The following CACNA1E variants were observed in gnomAD, a reference collection of about 807,000 sequenced individuals.
CACNA1E encodes the protein voltage-dependent R-type calcium channel subunit alpha-1E.
In CACNA1E, 40 loss-of-function variants were observed where a neutral mutation model predicts 259.2. That is an observed-to-expected ratio of 0.15 (90% CI 0.12 to 0.20). CACNA1E has a LOEUF of 0.20. CACNA1E is among the 10% of genes least tolerant of loss of function. The probability of loss-of-function intolerance (pLI) is 1.00; values close to 1 mark genes in which losing one functional copy is unlikely to be tolerated. For synonymous variants in CACNA1E, 1,104 were observed against 1,138.5 expected (o/e 0.97, Z 0.61); for missense variants, 1,874 against 3,040.1 (o/e 0.62, Z 9.02).
intron 12 of CACNA1E, 111 bp from the exon 13 acceptor site, chr1:181,719,640 T>G (rs1572695252): frequency 3.7e-6 from 2 of 535,824 alleles, no homozygotes; most frequent in Non-Finnish European, 3.3e-6. Context: ...GAGAGGAGAG[T>G]TTTTATTTCC....
intron 7 of CACNA1E, among the ~76,000 whole-genome samples, chr1:181,655,150 AT>A (rs1025711389): frequency 1.2e-4 from 18 of 152,242 alleles, no homozygotes; most frequent in East Asian, 3.9e-4. Flanking sequence ...ATGTATTATA[AT>A]TTTTTTAAAT....
At chr1:181,683,759 G>A (rs1417752304) in intron 7 of CACNA1E, among the ~76,000 whole-genome samples, 1 of 152,188 alleles carries the variant, frequency 6.6e-6, no homozygotes, top group Non-Finnish European at 1.5e-5. Flanking sequence ...TGCTGCAAAG[G>A]ACATGATTTC....
intron 1 of CACNA1E, among the ~76,000 whole-genome samples, chr1:181,330,918 T>C (rs1651209541): frequency 6.6e-6 from 1 of 152,186 alleles, no homozygotes; most frequent in Non-Finnish European, 1.5e-5. Context: ...TAGCTAGAGA[T>C]GATCTGGGCT....
At chr1:181,359,213 G>A (rs1370813632) in intron 1 of CACNA1E, among the ~76,000 whole-genome samples, 1 of 152,194 alleles carries the variant, frequency 6.6e-6, no homozygotes, top group African/African-American at 2.4e-5. Context: ...TTTAGCTGGG[G>A]GAGGGGCATG....
At chr1:181,391,291 T>C (rs1166390221) in intron 1 of CACNA1E, among the ~76,000 whole-genome samples, 1 of 152,228 alleles carries the variant, frequency 6.6e-6, no homozygotes, top group African/African-American at 2.4e-5. Context: ...GCCACTCCCC[T>C]GCTTAAAAAC....
chr1:181,704,525 C>T (rs1652602690), intron 7 of CACNA1E, among the ~76,000 whole-genome samples: 1 of 152,136 alleles, frequency 6.6e-6, no homozygotes. Flanking sequence ...GGTAGCAAAG[C>T]TCTCTGAAAC....
chr1:181,782,377 A>G (rs1660499539), intron 39 of CACNA1E, among the ~76,000 whole-genome samples: 1 of 152,220 alleles, frequency 6.6e-6, no homozygotes. Context: ...TTTGCCACCC[A>G]TTAGTAATAG....
chr1:181,762,147 A>G (rs542999198), intron 32 of CACNA1E, among the ~76,000 whole-genome samples: 1 of 152,360 alleles, frequency 6.6e-6, no homozygotes, highest in East Asian at 1.9e-4. Flanking sequence ...TAGCTGTATG[A>G]CCATGGCAAT....
intron 7 of CACNA1E, among the ~76,000 whole-genome samples, chr1:181,657,022 A>G (rs1266921023): frequency 6.6e-6 from 1 of 152,218 alleles, no homozygotes; most frequent in African/African-American, 2.4e-5. Flanking sequence ...CTCAGAATGT[A>G]CCCCTTTTGT....
intron 1 of CACNA1E, among the ~76,000 whole-genome samples, chr1:181,496,944 G>T (rs1664805888): frequency 6.6e-6 from 1 of 152,170 alleles, no homozygotes; most frequent in Admixed American, 6.5e-5. Context: ...CAGTTGAAGG[G>T]TGTGGGCTTG....
chr1:181,703,628 C>T lies in CACNA1E; in HGVS notation c.1056-7326C>T, dbSNP rs540861019. 3.9e-5 allele frequency among the ~76,000 whole-genome samples: 6 copies of T among 152,322 alleles called. No homozygotes were observed. The East Asian group carries it at 1.2e-3, about 29-fold the overall frequency. ...GAGAAGAGAAAGAAAAAAGACCAGT[C>T]ATTCCCTGAGCTCCTAAAAGAATAA... On this transcript the variant is annotated intron_variant, in intron 7 of 47. Coordinates refer to ENST00000367573, the MANE Select transcript of CACNA1E (RefSeq NM_001205293.3).
At chr1:181,663,741 A>G (rs1478472597) in intron 7 of CACNA1E, among the ~76,000 whole-genome samples, 1 of 152,234 alleles carries the variant, frequency 6.6e-6, no homozygotes, top group East Asian at 1.9e-4. Flanking sequence ...TACAAGCATT[A>G]CAGACAAGTA....
intron 46 of CACNA1E, among the ~76,000 whole-genome samples, chr1:181,796,206 G>A (rs950141000): frequency 1.3e-5 from 2 of 152,094 alleles, no homozygotes; most frequent in Non-Finnish European, 2.9e-5. Flanking sequence ...TTCCCTTTCA[G>A]ATCATCTTTT....
intron 1 of CACNA1E, among the ~76,000 whole-genome samples, chr1:181,323,035 G>A (rs1650489365): frequency 1.3e-5 from 2 of 152,202 alleles, no homozygotes; most frequent in Admixed American, 6.5e-5. Flanking sequence ...TGCACCGATG[G>A]CCACACCTCT....
intron 7 of CACNA1E, among the ~76,000 whole-genome samples, chr1:181,679,032 T>C (rs76417261): frequency 0.13 from 20,136 of 152,170 alleles, 1,381 homozygotes; most frequent in South Asian, 0.25. Context: ...TTCTTCCTCA[T>C]GGTCTTTCAC....
chr1:181,490,470 A>G (rs1664213498), intron 1 of CACNA1E, among the ~76,000 whole-genome samples: 1 of 151,322 alleles, frequency 6.6e-6, no homozygotes, highest in Non-Finnish European at 1.5e-5. Flanking sequence ...TGCTATGCCC[A>G]GCTAGGCTCC....
At chr1:181,727,213 C>T (rs1654993694) in intron 18 of CACNA1E, among the ~76,000 whole-genome samples, 1 of 152,154 alleles carries the variant, frequency 6.6e-6, no homozygotes, top group Non-Finnish European at 1.5e-5. Flanking sequence ...ACCCAGAGAC[C>T]CAGCTGCTGA....
At chr1:181,474,852 G>T (rs1328062341) in intron 2 of CACNA1E, among the ~76,000 whole-genome samples, 1 of 152,192 alleles carries the variant, frequency 6.6e-6, no homozygotes, top group Admixed American at 6.5e-5. Flanking sequence ...GAACCCTATT[G>T]TTTAATGATT....
chr1:181,717,372 C>A (rs965673268), intron 11 of CACNA1E, 70 bp downstream of exon 11: 14 of 1,287,874 alleles, frequency 1.1e-5, no homozygotes, highest in Admixed American at 6.7e-5. Context: ...TGTGTGTGAA[C>A]GCAAGACAGC....
Sources: allele counts gnomAD v4.1 joint callset (sites outside exome capture counted in the v4.1 genomes callset), GRCh38; gene constraint gnomAD v4.1.1; transcripts MANE v1.5; gene names NCBI Gene and HGNC (gene_info 2026-07-23, HGNC 2026-07-21).